Variants in KHDRBS1 observed in about 807,000 individuals in gnomAD.
KHDRBS1 encodes KH RNA binding domain containing, signal transduction associated 1.
KHDRBS1 carries 7 observed loss-of-function variants against 48.4 expected under a neutral mutation model. That is an observed-to-expected ratio of 0.14 (90% CI 0.08 to 0.27). The LOEUF is 0.27. KHDRBS1 is among the 10% of genes least tolerant of loss of function. The pLI is 1.00. For missense variants in KHDRBS1, 458 were observed against 601.2 expected, an observed-to-expected ratio of 0.76 and a Z score of 2.49; for synonymous variants, 241 against 235.8, an observed-to-expected ratio of 1.02 and a Z score of -0.20.
intron 1 of KHDRBS1, among the ~76,000 whole-genome samples, chr1:32,020,148 G>T (rs563599722): frequency 1.3e-5 from 2 of 152,150 alleles, no homozygotes; most frequent in South Asian, 4.1e-4. Context: ...GGTGGCTCAT[G>T]CCTGTAATCC....
intron 10 of KHDRBS1, among the ~76,000 whole-genome samples, chr1:32,059,794 T>A (rs1191139143): frequency 6.6e-6 from 1 of 152,182 alleles, no homozygotes; most frequent in Non-Finnish European, 1.5e-5. Flanking sequence ...TGTTCATCTT[T>A]TTCACATTTC....
In KHDRBS1 at chr1:32,038,549, T is replaced by C; in HGVS notation, c.1108-3T>C. Reference sequence around the variant, plus strand: ...TTTCATTTTTTTGTTGTTGTTGTTCTAGGGATATGATGATACATACGCAGA... The same window carrying C: ...TTTCATTTTTTTGTTGTTGTTGTTCCAGGGATATGATGATACATACGCAGA... On this transcript the variant is annotated splice_polypyrimidine_tract_variant and splice_region_variant and intron_variant, in intron 6 of 8. Transcript: ENST00000327300. 6.2e-7 allele frequency: 1 copy of C among 1,613,496 alleles called. No individual in the cohort carries two copies. The highest frequency in any genetic ancestry group is 8.5e-7 in the Non-Finnish European group (1 of 1,179,830).
At chr1:32,024,288 G>GT (rs142757624) in intron 1 of KHDRBS1, among the ~76,000 whole-genome samples, 6,698 of 151,770 alleles carry the variant, frequency 0.044, 484 homozygotes, top group African/African-American at 0.15. Context: ...AAAGGCCTGA[G>GT]TTTGGGGGTT....
intron 4 of KHDRBS1, among the ~76,000 whole-genome samples, chr1:32,033,689 G>A (rs146049169): frequency 1.8e-3 from 272 of 152,268 alleles, no homozygotes; most frequent in African/African-American, 6.2e-3. Flanking sequence ...GATTGTGTTA[G>A]GAAAGTGACT....
chr1:32,056,472 G>C (rs1282310106), intron 10 of KHDRBS1, among the ~76,000 whole-genome samples: 1 of 152,222 alleles, frequency 6.6e-6, no homozygotes, highest in Admixed American at 6.5e-5. Context: ...TGAATTGGCT[G>C]TTCCCCTGTC....
At chr1:32,038,984 C>G (rs1329621246) in intron 7 of KHDRBS1, among the ~76,000 whole-genome samples, 1 of 152,170 alleles carries the variant, frequency 6.6e-6, no homozygotes, top group African/African-American at 2.4e-5. Flanking sequence ...TACATGGAAA[C>G]AAGGAGAAAT....
intron 6 of KHDRBS1, chr1:32,038,241 A>G: frequency 1.3e-6 from 1 of 756,932 alleles, no homozygotes. Context: ...TAGATTAAAC[A>G]AGAAATAAAA....
At chr1:32,057,275 G>T (rs914623692) in intron 10 of KHDRBS1, among the ~76,000 whole-genome samples, 6 of 152,102 alleles carry the variant, frequency 3.9e-5, no homozygotes, top group Non-Finnish European at 4.4e-5. Flanking sequence ...AAGTGATCCA[G>T]GCTCAAGTGA....
intron 1 of KHDRBS1, among the ~76,000 whole-genome samples, chr1:32,024,832 G>A (rs1323293539): frequency 3.3e-5 from 5 of 152,052 alleles, no homozygotes; most frequent in Admixed American, 6.6e-5. Flanking sequence ...GGGTAAGGTG[G>A]CACGCACCTT....
chr1:32,016,388 C>T (rs1010698686), intron 1 of KHDRBS1, among the ~76,000 whole-genome samples: 1 of 151,996 alleles, frequency 6.6e-6, no homozygotes, highest in African/African-American at 2.4e-5. Context: ...TAGTAAGCAT[C>T]GTAACCAGGA....
In KHDRBS1 at chr1:32,017,600, C is replaced by CTTTT. The variant is rs34505125; in HGVS notation, c.382+3244_382+3247dup. 7.7e-3 allele frequency among the ~76,000 whole-genome samples: 568 copies of CTTTT among 73,770 alleles called. 1 individual carries two copies. The highest frequency in any genetic ancestry group is 0.012 in the East Asian group (26 of 2,242). 48.4% of individuals were successfully genotyped at this position (73,770 alleles called of 152,430 possible). A position where few individuals can be genotyped will look rare whatever the true frequency, so the allele number is the denominator to read the frequency against. On this transcript the variant is annotated intron_variant, in intron 1 of 8. Coordinates refer to ENST00000327300, the MANE Select transcript of KHDRBS1 (RefSeq NM_006559.3). ...TATAGATACCAGTGTTCTTTTTCTA[C>CTTTT]TTTTTTTTTTTTTTTTTTTTTTTTG...
At chr1:32,035,008 A>G (rs925068292) in intron 4 of KHDRBS1, among the ~76,000 whole-genome samples, 4 of 151,878 alleles carry the variant, frequency 2.6e-5, no homozygotes, top group African/African-American at 7.3e-5. Flanking sequence ...AATGTTCAAC[A>G]TGAAACAGAC....
chr1:32,015,977 G>C (rs1638732090), intron 1 of KHDRBS1, among the ~76,000 whole-genome samples: 1 of 152,126 alleles, frequency 6.6e-6, no homozygotes, highest in Non-Finnish European at 1.5e-5. Flanking sequence ...TCAGGAGTTG[G>C]AGACCAGCCT....
intron 1 of KHDRBS1, among the ~76,000 whole-genome samples, chr1:32,025,778 G>A (rs945512212): frequency 8.4e-6 from 1 of 118,892 alleles, no homozygotes; most frequent in East Asian, 2.7e-4. Flanking sequence ...CTCTCCCTTC[G>A]ATACCCAAGC....
intron 1 of KHDRBS1, among the ~76,000 whole-genome samples, chr1:32,021,650 T>G: frequency 6.6e-6 from 1 of 152,128 alleles, no homozygotes; most frequent in Admixed American, 6.6e-5. Flanking sequence ...AGGTTCTCAC[T>G]ATGTCACTCA....
chr1:32,030,438 C>T lies in KHDRBS1; in HGVS notation c.507+16C>T, dbSNP rs1302309592. 1 of 1,589,290 alleles carries T rather than the reference C, an allele frequency of 6.3e-7. No individual in the cohort carries two copies. Among genetic ancestry groups the T allele is most frequent in the East Asian group, 2.3e-5 (1 of 44,226 alleles). On this transcript the variant is annotated intron_variant, in intron 2 of 8. Transcript: ENST00000327300. ...GTATCCCAAGGTAAGGCAAAAAGTG[C>T]TTTGGATCTTTGAGTTATCTTTATA...
At chr1:32,038,910 C>T (rs973048308) in intron 7 of KHDRBS1, among the ~76,000 whole-genome samples, 1 of 152,156 alleles carries the variant, frequency 6.6e-6, no homozygotes, top group Non-Finnish European at 1.5e-5. Context: ...ATCTGGATAA[C>T]TGTGAACCTT....
downstream of KHDRBS1, among the ~76,000 whole-genome samples, chr1:32,047,241 C>T (rs1459125144): frequency 6.6e-6 from 1 of 152,216 alleles, no homozygotes; most frequent in Non-Finnish European, 1.5e-5. Context: ...TTACTGCGAC[C>T]TCCACCTCCC....
downstream of KHDRBS1, among the ~76,000 whole-genome samples, chr1:32,044,215 G>A (rs1639330781): frequency 6.6e-6 from 1 of 152,194 alleles, no homozygotes. Context: ...AAAAGTGCAA[G>A]CCAGCCTGGT....
Sources: gnomAD v4.1 joint callset for allele counts (sites outside exome capture counted in the v4.1 genomes callset) on GRCh38, gnomAD v4.1.1 for gene constraint, MANE v1.5 for transcripts, NCBI Gene and HGNC (gene_info 2026-07-23, HGNC 2026-07-21) for gene names.